ZPLD1: variants seen among roughly 807,000 people sequenced by gnomAD.
ZPLD1 encodes the protein zona pellucida like domain containing 1.
ZPLD1 carries 34 observed loss-of-function variants against 47.2 expected under a neutral mutation model. The ratio of observed to expected loss-of-function variants is 0.72; its 90% CI spans 0.55 to 0.96. ZPLD1 has a LOEUF of 0.96. Ranked by LOEUF, ZPLD1 falls within the 40% of genes least tolerant of loss-of-function variation. The pLI, the probability that ZPLD1 is intolerant of heterozygous loss-of-function variation, is 0.00. For synonymous variants in ZPLD1, 176 were observed against 186.2 expected, an observed-to-expected ratio of 0.95 and a Z score of 0.45; for missense variants, 512 against 505.8, an observed-to-expected ratio of 1.01 and a Z score of -0.12.
chr3:102,455,148 T>C (rs533461140), intron 4 of ZPLD1, among the ~76,000 whole-genome samples: 11 of 152,358 alleles, frequency 7.2e-5, no homozygotes, highest in African/African-American at 1.9e-4. Context: ...GCTTTGCCCA[T>C]GTGCTGTTAG....
chr3:102,479,041 G>A lies in ZPLD1; in HGVS notation c.*1423G>A, dbSNP rs577850921. The A allele has an allele frequency of 1.7e-3, 257 of 152,236 alleles. No individual in the cohort carries two copies. Among genetic ancestry groups the A allele is most frequent in the African/African-American group, 6.0e-3 (249 of 41,568 alleles). 9.4% of individuals were successfully genotyped at this position (152,236 alleles called of 1,614,324 possible). A position where few individuals can be genotyped will look rare whatever the true frequency, so the allele number is the denominator to read the frequency against. On this transcript the variant is annotated 3_prime_UTR_variant, in exon 12 of 12. Transcript: ENST00000466937. ...TAATAATTAAATCAATCCTCAAGTT[G>A]AAAAACACTTTTTCTCCAATTTGCC...
At chr3:102,435,639 T>A (rs1240177380) in intron 1 of ZPLD1, among the ~76,000 whole-genome samples, 1 of 70,760 alleles carries the variant, frequency 1.4e-5, no homozygotes, top group Admixed American at 1.1e-4. Flanking sequence ...TCATCTTGAT[T>A]TTTTTTTTTT....
intron 8 of ZPLD1, among the ~76,000 whole-genome samples, chr3:102,426,796 C>T (rs1426737282): frequency 6.6e-6 from 1 of 152,134 alleles, no homozygotes; most frequent in African/African-American, 2.4e-5. Context: ...GATGTGATTT[C>T]ATCATGTCCA....
At chr3:102,473,182 G>A (rs115313263) in intron 10 of ZPLD1, among the ~76,000 whole-genome samples, 1,962 of 152,238 alleles carry the variant, frequency 0.013, 45 homozygotes, top group African/African-American at 0.045. Context: ...TTCAAGATGA[G>A]ATTTGGGTGG....
At chr3:102,397,554 A>AT (rs1706572060) in intron 7 of ZPLD1, among the ~76,000 whole-genome samples, 1 of 152,070 alleles carries the variant, frequency 6.6e-6, no homozygotes, top group South Asian at 2.1e-4. Context: ...CTGATGAAGC[A>AT]TTTTAAAAAT....
chr3:102,429,960 A>G (rs1706997004), intron 8 of ZPLD1, among the ~76,000 whole-genome samples: 2 of 152,224 alleles, frequency 1.3e-5, no homozygotes, highest in Admixed American at 1.3e-4. Context: ...CTAGAATGCA[A>G]CAAGTCCTGT....
At chr3:102,434,000 A>T (rs1707050920), upstream of ZPLD1, among the ~76,000 whole-genome samples, 1 of 152,208 alleles carries the variant, frequency 6.6e-6, no homozygotes, top group African/African-American at 2.4e-5. Context: ...CATTAATTTT[A>T]TTTGAAAACC....
At chr3:102,447,842 T>C (rs1449962932) in intron 3 of ZPLD1, among the ~76,000 whole-genome samples, 1 of 152,234 alleles carries the variant, frequency 6.6e-6, no homozygotes, top group Non-Finnish European at 1.5e-5. Flanking sequence ...TGTAATTAAA[T>C]GTTCTAGGAA....
At chr3:102,435,414 C>T (rs1486343661) in intron 1 of ZPLD1, among the ~76,000 whole-genome samples, 2 of 152,096 alleles carry the variant, frequency 1.3e-5, no homozygotes, top group African/African-American at 2.4e-5. Flanking sequence ...TGTCACTAGC[C>T]CATGAGACAC....
At chr3:102,385,414 T>C (rs72942842) in intron 6 of ZPLD1, 1 of 152,358 alleles carries the variant, frequency 6.6e-6, no homozygotes, top group African/African-American at 2.4e-5. Flanking sequence ...TGACATACAT[T>C]AATCTTTGGA....
chr3:102,474,853 T>A (rs1251579719), intron 10 of ZPLD1, among the ~76,000 whole-genome samples: 1 of 152,130 alleles, frequency 6.6e-6, no homozygotes, highest in East Asian at 1.9e-4. Flanking sequence ...CCAGAAGGCT[T>A]CAGGTGTTTC....
chr3:102,477,562 A>C lies in ZPLD1; in HGVS notation c.1192A>C (p.Arg398=), dbSNP rs1576172292. Residue 398 remains arginine, a synonymous_variant, in exon 12 of 12, where the codon AGG becomes CGG. Transcript: ENST00000466937. The part of the protein sequence containing the change: ...LLLCSLALLH[R]KGPTSLVLNG... ...TCTGTGCTCACTGGCCCTTCTGCAC[A>C]GGAAGGGACCCACAAGTTTAGTGTT... 6.2e-7 allele frequency: 1 copy of C among 1,613,778 alleles called. No individual in the cohort carries two copies. The highest frequency in any genetic ancestry group is 8.5e-7 in the Non-Finnish European group (1 of 1,179,752).
chr3:102,465,838 A>T (rs1396597090), intron 8 of ZPLD1, among the ~76,000 whole-genome samples: 5 of 152,188 alleles, frequency 3.3e-5, no homozygotes, highest in African/African-American at 9.6e-5. Context: ...AGTTAAGATC[A>T]AGAGAAAATG....
In ZPLD1 at chr3:102,419,205, C is replaced by A. The variant is rs1576134942; in HGVS notation, c.-9+998C>A. 2.0e-5 allele frequency among the ~76,000 whole-genome samples: 3 copies of A among 151,912 alleles called. No homozygotes were observed. The South Asian group carries it at 6.2e-4, about 31-fold the overall frequency. ...TAAACATCTAATATTTATCTTAATACATAATTGAAAATCTCTATTATTTCA... is the reference window on the plus strand; with the variant it reads ...TAAACATCTAATATTTATCTTAATAAATAATTGAAAATCTCTATTATTTCA... On this transcript the variant is annotated intron_variant, in intron 8 of 17. Transcript: ENST00000491959.
At chr3:102,470,302 T>C (rs1559761911) in intron 9 of ZPLD1, 92 bp from the exon 10 acceptor site, 7 of 853,722 alleles carry the variant, frequency 8.2e-6, no homozygotes, top group East Asian at 2.5e-5. Context: ...AAACATGTGG[T>C]ATCTCTTCCA....
At chr3:102,392,667 A>G (rs1317439323) in intron 7 of ZPLD1, among the ~76,000 whole-genome samples, 1 of 151,992 alleles carries the variant, frequency 6.6e-6, no homozygotes, top group Non-Finnish European at 1.5e-5. Context: ...CAATCTATGA[A>G]TGGTTTAATC....
chr3:102,457,911 T>G, intron 6 of ZPLD1, 58 bp downstream of exon 6: 2 of 1,515,136 alleles, frequency 1.3e-6, no homozygotes, highest in South Asian at 1.1e-5. Context: ...GAGTCATTTA[T>G]GTGAATGGCT....
At chr3:102,399,677 G>T (rs78136948) in intron 7 of ZPLD1, among the ~76,000 whole-genome samples, 2 of 151,894 alleles carry the variant, frequency 1.3e-5, no homozygotes, top group African/African-American at 4.8e-5. Flanking sequence ...AAAAAATACC[G>T]AAACGATCAT....
intron 6 of ZPLD1, among the ~76,000 whole-genome samples, chr3:102,388,879 G>T (rs2107282634): frequency 6.6e-6 from 1 of 152,170 alleles, no homozygotes; most frequent in South Asian, 2.1e-4. Context: ...TAGATGTCTG[G>T]GTGCTACAAT....
Sources: allele counts gnomAD v4.1 joint callset (sites outside exome capture counted in the v4.1 genomes callset), GRCh38; gene constraint gnomAD v4.1.1; transcripts MANE v1.5; gene names NCBI Gene and HGNC (gene_info 2026-07-23, HGNC 2026-07-21).